Variants in RTL4 observed in about 807,000 individuals in gnomAD.
RTL4 encodes retrotransposon Gag-like protein 4.
Under a neutral mutation model 5.3 loss-of-function variants are expected in RTL4, and 4 were observed. That is an observed-to-expected ratio of 0.75 (90% CI 0.37 to 1.72). RTL4 has a LOEUF of 1.72. Ranked by LOEUF, RTL4 falls within the 40% of genes most tolerant of loss-of-function variation. The probability of loss-of-function intolerance (pLI) is 0.04; values close to 1 mark genes in which losing one functional copy is unlikely to be tolerated. For missense variants in RTL4, 260 were observed against 227.1 expected (o/e 1.14, Z -0.93); for synonymous variants, 98 against 87.3 (o/e 1.12, Z -0.68).
At chrX:112,163,601 G>A in the RTL4 span, among the ~76,000 whole-genome samples, 1 of 111,775 alleles carries the variant, frequency 8.9e-6, no homozygotes, top group Non-Finnish European at 1.9e-5. Flanking sequence ...TTACAATGGT[G>A]GTCACATTTG....
At chrX:112,330,618 G>C in the RTL4 span, among the ~76,000 whole-genome samples, 1 of 110,774 alleles carries the variant, frequency 9.0e-6, no homozygotes, top group Non-Finnish European at 1.9e-5. Flanking sequence ...TCCCCATAAA[G>C]CTACCAAAGA....
the RTL4 span, among the ~76,000 whole-genome samples, chrX:112,162,514 G>C: frequency 1.8e-5 from 2 of 111,322 alleles, no homozygotes; most frequent in Non-Finnish European, 3.8e-5. Context: ...GACAGGGTTT[G>C]GTTTAGAATC....
chrX:112,129,632 C>T, the RTL4 span, among the ~76,000 whole-genome samples: 1 of 112,084 alleles, frequency 8.9e-6, no homozygotes, highest in Non-Finnish European at 1.9e-5. Flanking sequence ...ACTTATTTCA[C>T]CAGCAGACTT....
chrX:112,096,053 T>C, the RTL4 span, among the ~76,000 whole-genome samples: 1 of 112,004 alleles, frequency 8.9e-6, no homozygotes, highest in Non-Finnish European at 1.9e-5. Flanking sequence ...TCAGAGCTTA[T>C]ATGGGATCCA....
the RTL4 span, among the ~76,000 whole-genome samples, chrX:112,200,344 A>G: frequency 8.9e-6 from 1 of 111,991 alleles, no homozygotes; most frequent in Non-Finnish European, 1.9e-5. Flanking sequence ...CCACTAGTAC[A>G]TAAGCTTCAT....
the RTL4 span, among the ~76,000 whole-genome samples, chrX:112,189,358 G>A: frequency 8.9e-6 from 1 of 111,788 alleles, no homozygotes; most frequent in African/African-American, 3.2e-5. Flanking sequence ...GCATTTATTT[G>A]AAAAACATAA....
the RTL4 span, among the ~76,000 whole-genome samples, chrX:112,280,344 A>T: frequency 9.0e-6 from 1 of 111,441 alleles, no homozygotes; most frequent in Non-Finnish European, 1.9e-5. Flanking sequence ...GAAAGGTTGG[A>T]AAACTAACTA....
At chrX:112,317,472 T>C in the RTL4 span, among the ~76,000 whole-genome samples, 3 of 111,846 alleles carry the variant, frequency 2.7e-5, no homozygotes, top group South Asian at 1.1e-3. Context: ...AAGCCATGTT[T>C]CCCCCAGCTA....
the RTL4 span, among the ~76,000 whole-genome samples, chrX:112,146,509 C>A: frequency 9.0e-6 from 1 of 110,819 alleles, no homozygotes; most frequent in African/African-American, 3.3e-5. Context: ...AATTTAAAAT[C>A]TGAGTGAGTT....
upstream of RTL4, among the ~76,000 whole-genome samples, chrX:112,451,618 G>T (rs965012966): frequency 9.0e-6 from 1 of 111,583 alleles, no homozygotes; most frequent in Admixed American, 9.5e-5. Context: ...TTTAAAATTT[G>T]GAAACTGATT....
At chrX:112,207,419 T>C in the RTL4 span, among the ~76,000 whole-genome samples, 13 of 112,013 alleles carry the variant, frequency 1.2e-4, no homozygotes, top group Non-Finnish European at 2.1e-4. Flanking sequence ...TTCTTTGGAC[T>C]TACGACTATC....
At chrX:112,334,764 CT>C in the RTL4 span, among the ~76,000 whole-genome samples, 1 of 111,296 alleles carries the variant, frequency 9.0e-6, no homozygotes, top group Non-Finnish European at 1.9e-5. Flanking sequence ...TTTAATTTCT[CT>C]GTTCTTCCAT....
chrX:112,355,116 C>T, the RTL4 span, among the ~76,000 whole-genome samples: 4 of 111,374 alleles, frequency 3.6e-5, no homozygotes, highest in Non-Finnish European at 7.6e-5. Context: ...CAAGACTTCA[C>T]AAAAAATAAA....
chrX:112,212,762 C>T, the RTL4 span, among the ~76,000 whole-genome samples: 217 of 112,403 alleles, frequency 1.9e-3, no homozygotes, highest in African/African-American at 6.6e-3. Context: ...TTTAATATTC[C>T]TCTAGTCACC....
At chrX:112,139,034 T>A in the RTL4 span, among the ~76,000 whole-genome samples, 2 of 111,843 alleles carry the variant, frequency 1.8e-5, no homozygotes, top group Non-Finnish European at 3.8e-5. Flanking sequence ...TCTCTCATGT[T>A]TCTCATGACC....
the RTL4 span, among the ~76,000 whole-genome samples, chrX:112,326,857 C>T: frequency 7.2e-5 from 8 of 111,596 alleles, no homozygotes; most frequent in Middle Eastern, 4.7e-3. Flanking sequence ...CCCTGACCCC[C>T]GAGCAGCCTA....
At chrX:112,257,835 C>T in the RTL4 span, among the ~76,000 whole-genome samples, 5 of 103,147 alleles carry the variant, frequency 4.8e-5, no homozygotes, top group Non-Finnish European at 9.7e-5. Flanking sequence ...TTGGGGTGTA[C>T]AATGTAATGT....
At chrX:112,137,148 A>T in the RTL4 span, among the ~76,000 whole-genome samples, 3 of 110,040 alleles carry the variant, frequency 2.7e-5, no homozygotes, top group Middle Eastern at 4.2e-3. Context: ...CTCAATATTT[A>T]AAAAAAAAGA....
chrX:112,182,608 G>T, the RTL4 span, among the ~76,000 whole-genome samples: 1 of 111,533 alleles, frequency 9.0e-6, no homozygotes, highest in Non-Finnish European at 1.9e-5. Flanking sequence ...GTGAAGACAA[G>T]ATTAGACAAA....
Sources: gnomAD v4.1 joint callset for allele counts (sites outside exome capture counted in the v4.1 genomes callset) on GRCh38, gnomAD v4.1.1 for gene constraint, MANE v1.5 for transcripts, NCBI Gene and HGNC (gene_info 2026-07-23, HGNC 2026-07-21) for gene names.